CASQ1: variants seen among roughly 807,000 people sequenced by gnomAD.
The protein encoded by CASQ1 is calsequestrin-1.
In CASQ1, 40 loss-of-function variants were observed where a neutral mutation model predicts 49.5. The observed-to-expected ratio is 0.81, with a 90% CI of 0.63 to 1.05. The LOEUF is 1.05. Ranked by LOEUF, CASQ1 falls within the 50% of genes least tolerant of loss-of-function variation. CASQ1 has a pLI of 0.00. For synonymous variants in CASQ1, 174 were observed against 187.2 expected (o/e 0.93, Z 0.58); for missense variants, 469 against 486.9 (o/e 0.96, Z 0.35).
chr1:160,197,343 A>C (rs1024132759), intron 6 of CASQ1, among the ~76,000 whole-genome samples: 1 of 152,144 alleles, frequency 6.6e-6, no homozygotes, highest in Non-Finnish European at 1.5e-5. Context: ...TTTCTCCCCC[A>C]GTCTCTCTTC....
intron 3 of CASQ1, among the ~76,000 whole-genome samples, chr1:160,194,402 C>T (rs536223356): frequency 1.3e-5 from 2 of 149,960 alleles, no homozygotes; most frequent in Non-Finnish European, 3.0e-5. Flanking sequence ...ACCTAGATAC[C>T]ACACACTATG....
chr1:160,198,797 A>C (rs1654302938), intron 8 of CASQ1, 66 bp downstream of exon 8: 1 of 1,442,016 alleles, frequency 6.9e-7, no homozygotes. Flanking sequence ...TTATTGGAGC[A>C]TGGGCCTCAC....
chr1:160,191,100 A>C, intron 1 of CASQ1, 70 bp downstream of exon 1: 4 of 1,502,706 alleles, frequency 2.7e-6, no homozygotes, highest in Non-Finnish European at 3.6e-6. Context: ...TCCTACACCC[A>C]TGTAGCTCTT....
intron 3 of CASQ1, 88 bp downstream of exon 3, chr1:160,193,935 ACACACAC>A: frequency 1.3e-6 from 1 of 751,964 alleles, no homozygotes; most frequent in Non-Finnish European, 2.4e-6. Flanking sequence ...GACACTGCAC[ACACACAC>A]CACACACACA....
chr1:160,195,861 T>A (rs1218770256), intron 5 of CASQ1, 36 bp from the exon 6 acceptor site: 1 of 1,609,136 alleles, frequency 6.2e-7, no homozygotes, highest in Non-Finnish European at 8.5e-7. Flanking sequence ...ACCCTGTGTC[T>A]CCTGCTCCAC....
intron 7 of CASQ1, chr1:160,198,145 G>A (rs891021500): frequency 4.3e-5 from 7 of 161,996 alleles, no homozygotes; most frequent in African/African-American, 1.7e-4. Flanking sequence ...GGGATAAAGG[G>A]ATTATCAGAG....
chr1:160,200,387 C>CT lies in CASQ1; in HGVS notation c.1059+463dup, dbSNP rs147088807. Among the ~76,000 whole-genome samples, 1,021 of 152,270 alleles carry CT rather than the reference C, an allele frequency of 6.7e-3. 15 individuals carry two copies. The highest frequency in any genetic ancestry group is 0.024 in the African/African-American group (988 of 41,546). ...TCTCTGCTTTCATAGAATTCTCAGA[C>CT]TAATTAGAGAGGCAAGTGTTCCATT... On this transcript the variant is annotated intron_variant, in intron 10 of 10. Transcript: ENST00000368078.
rs1295731920 is a variant in CASQ1 at position 160,201,465 on chromosome 1, C to T, written c.*89C>T. On this transcript the variant is annotated 3_prime_UTR_variant, in exon 11 of 11. Transcript: ENST00000368078. ...CCTTCCCTGAGTTCCTCCAGGGAGA[C>T]TAGGTTATTCTCTGCCATAGAGCTA... The T allele has an allele frequency of 1.1e-5, 15 of 1,384,990 alleles. No homozygotes were observed. The highest frequency in any genetic ancestry group is 1.4e-5 in the Non-Finnish European group (14 of 997,634). The allele number at this position is 1,384,990 out of a possible 1,614,324, so 85.8% of individuals were successfully genotyped here.
In CASQ1 at chr1:160,195,440, ACT is replaced by A. The variant is rs779357339; in HGVS notation, c.578-18_578-17del. On this transcript the variant is annotated intron_variant, in intron 4 of 10. Coordinates refer to ENST00000368078, the MANE Select transcript of CASQ1 (RefSeq NM_001231.5). ...CAGACCCTGGTTTCCCCAGAGACTG[ACT>A]CTGCATTCCACCCCCCAGATTACAA... 1.9e-6 allele frequency: 3 copies of A among 1,610,116 alleles called. No individual in the cohort carries two copies. Among genetic ancestry groups the A allele is most frequent in the East Asian group, 2.2e-5 (1 of 44,850 alleles).
In CASQ1 at chr1:160,198,636, G is replaced by C. The variant is rs572603531; in HGVS notation, c.829-41G>C. On this transcript the variant is annotated intron_variant, in intron 7 of 10. Coordinates refer to ENST00000368078, the MANE Select transcript of CASQ1 (RefSeq NM_001231.5). ...CCTCAACTTCAGGGAGTATAGTAAG[G>C]TCTTCTCCAAAACCCTGTTCTCCTT... is the stretch of plus-strand genomic sequence containing the variant. 155 of 1,488,578 alleles carry C rather than the reference G, an allele frequency of 1.0e-4. 1 individual carries two copies. The Middle Eastern group carries it at 3.4e-3, about 33-fold the overall frequency. The allele number at this position is 1,488,578 out of a possible 1,614,324, so 92.2% of individuals were successfully genotyped here.
At chr1:160,193,635 G>A (rs1654131426) in intron 2 of CASQ1, 112 bp from the exon 3 acceptor site, 1 of 653,724 alleles carries the variant, frequency 1.5e-6, no homozygotes, top group Non-Finnish European at 2.6e-6. Context: ...TGGAGCATGT[G>A]GGGCCCCGGT....
chr1:160,195,852 C>T (rs1654211465), intron 5 of CASQ1, 45 bp from the exon 6 acceptor site: 1 of 1,600,512 alleles, frequency 6.2e-7, no homozygotes, highest in Admixed American at 1.7e-5. Flanking sequence ...CTCGACATGA[C>T]CCTGTGTCTC....
At chr1:160,201,221 G>A (rs776778456) in intron 10 of CASQ1, 24 bp from the exon 11 acceptor site, 15 of 1,608,234 alleles carry the variant, frequency 9.3e-6, no homozygotes, top group African/African-American at 2.7e-5. Context: ...CTTAGCTTCC[G>A]TCCCTGCCTG....
chr1:160,196,934 C>T (rs1571050677), intron 6 of CASQ1, among the ~76,000 whole-genome samples: 2 of 152,238 alleles, frequency 1.3e-5, no homozygotes, highest in East Asian at 3.9e-4. Flanking sequence ...GTGGCTAGAG[C>T]CCAGGGATAC....
intron 5 of CASQ1, 118 bp downstream of exon 5, chr1:160,195,652 G>A: frequency 8.4e-6 from 6 of 716,422 alleles, no homozygotes; most frequent in South Asian, 3.4e-5. Flanking sequence ...CTCCCTACCT[G>A]CCCCCCCCCC....
At chr1:160,194,904 T>A in intron 3 of CASQ1, 108 bp from the exon 4 acceptor site, 1 of 649,890 alleles carries the variant, frequency 1.5e-6, no homozygotes, top group Admixed American at 2.8e-5. Context: ...CCACACACTG[T>A]CAACATCTAG....
At chr1:160,192,578 AAG>A in intron 1 of CASQ1, 1 of 535,384 alleles carries the variant, frequency 1.9e-6, no homozygotes, top group East Asian at 3.2e-5. Flanking sequence ...CCAACATAAT[AAG>A]CACATTGCAA....
chr1:160,195,157 C>T, intron 4 of CASQ1, 34 bp downstream of exon 4: 1 of 1,355,364 alleles, frequency 7.4e-7, no homozygotes, highest in African/African-American at 1.4e-5. Context: ...GTGCCCCTCT[C>T]TGGATCCCCA....
chr1:160,201,384 G>A lies in CASQ1; in HGVS notation c.*8G>A, dbSNP rs373151771. On this transcript the variant is annotated 3_prime_UTR_variant, in exon 11 of 11. Transcript: ENST00000368078. ...GATGATGATGATGACTAGTTGCTAT[G>A]GCAACCATCTTTCAGCCCCACTGGT... 5 of 1,613,440 alleles carry A rather than the reference G, an allele frequency of 3.1e-6. No homozygotes were observed. In the African/African-American group the frequency reaches 6.7e-5, roughly 22 times the overall value.
Sources: allele counts gnomAD v4.1 joint callset (sites outside exome capture counted in the v4.1 genomes callset), GRCh38; gene constraint gnomAD v4.1.1; transcripts MANE v1.5; gene names NCBI Gene and HGNC (gene_info 2026-07-23, HGNC 2026-07-21).